The following MAST4 variants were observed in gnomAD, a reference collection of about 807,000 sequenced individuals.
The protein encoded by MAST4 is microtubule associated serine/threonine kinase family member 4.
Under a neutral mutation model 162.7 loss-of-function variants are expected in MAST4, and 89 were observed. That is an observed-to-expected ratio of 0.55 (90% CI 0.46 to 0.65). The LOEUF is 0.65. Among genes scored for constraint, MAST4 ranks in the 30% least tolerant of loss-of-function variants. The probability of loss-of-function intolerance (pLI) is 0.00; values close to 1 mark genes in which losing one functional copy is unlikely to be tolerated. For synonymous variants in MAST4, 1,479 were observed against 1,361.1 expected, an observed-to-expected ratio of 1.09 and a Z score of -1.91; for missense variants, 3,153 against 3,374.0, an observed-to-expected ratio of 0.93 and a Z score of 1.62.
In MAST4 at chr5:66,759,926, C is replaced by G. The variant is rs1753759795; in HGVS notation, c.517+64C>G. 4 of 1,556,912 alleles carry G rather than the reference C, an allele frequency of 2.6e-6. No homozygotes were observed. In the Admixed American group the frequency reaches 7.0e-5, roughly 27 times the overall value. Reference sequence around the variant, plus strand: ...TTCTTTACAAGGTCCTGCATGGCCCCAGAGTTCCACATGTAATCAGCTTTC... The same window carrying G: ...TTCTTTACAAGGTCCTGCATGGCCCGAGAGTTCCACATGTAATCAGCTTTC... On this transcript the variant is annotated intron_variant, in intron 2 of 28. Coordinates refer to ENST00000403625, the MANE Select transcript of MAST4 (RefSeq NM_001164664.2).
chr5:66,648,042 G>A (rs1333899544), intron 1 of MAST4, among the ~76,000 whole-genome samples: 9 of 45,284 alleles, frequency 2.0e-4, no homozygotes, highest in Non-Finnish European at 3.4e-4. Context: ...TAATGTGTGT[G>A]TGTGTGTGTG....
chr5:66,823,402 G>T (rs1026569980), intron 3 of MAST4, among the ~76,000 whole-genome samples: 1 of 152,172 alleles, frequency 6.6e-6, no homozygotes, highest in Admixed American at 6.5e-5. Context: ...CTTCACTTAT[G>T]TGGTGAGGAT....
At chr5:67,081,459 A>G (rs1762646524) in intron 5 of MAST4, among the ~76,000 whole-genome samples, 1 of 152,086 alleles carries the variant, frequency 6.6e-6, no homozygotes, top group South Asian at 2.1e-4. Context: ...GACAAGGAAG[A>G]AGAGATGCTG....
intron 10 of MAST4, among the ~76,000 whole-genome samples, chr5:67,106,408 CATCATTGGCACTGCCATCT>C (rs1461219354): frequency 6.6e-6 from 1 of 152,214 alleles, no homozygotes; most frequent in African/African-American, 2.4e-5. Flanking sequence ...TCTTTTCATC[CATCATTGGCACTGCCATCT>C]ATCCAGTCAC....
rs1371378535 is a variant in MAST4 at position 66,751,276 on chromosome 5, A to G, written c.364-8433A>G. On this transcript the variant is annotated intron_variant, in intron 1 of 28. Transcript: ENST00000403625. ...AAAGGAATGCAGTTCCTCACCAGCA[A>G]CGGAACAAAGCTGGATGGAGAATGA... Among the ~76,000 whole-genome samples the G allele has an allele frequency of 8.5e-5, 13 of 152,330 alleles. No individual in the cohort carries two copies. In the South Asian group the frequency reaches 1.9e-3, roughly 22 times the overall value.
chr5:66,900,217 A>G (rs886126888), intron 4 of MAST4, among the ~76,000 whole-genome samples: 1 of 152,114 alleles, frequency 6.6e-6, no homozygotes, highest in Non-Finnish European at 1.5e-5. Flanking sequence ...GAGAATCTTA[A>G]TTTTTAAAAT....
chr5:66,821,321 A>AC (rs757116087), intron 3 of MAST4, among the ~76,000 whole-genome samples: 5 of 152,184 alleles, frequency 3.3e-5, no homozygotes, highest in Non-Finnish European at 7.4e-5. Flanking sequence ...CTGTTTCTTT[A>AC]CCTTTGTTAA....
chr5:66,932,320 T>G (rs1742274193), intron 4 of MAST4, among the ~76,000 whole-genome samples: 1 of 152,176 alleles, frequency 6.6e-6, no homozygotes, highest in Non-Finnish European at 1.5e-5. Flanking sequence ...GTTTACTTAC[T>G]CAAACAGTAA....
chr5:66,665,813 C>G (rs1325355683), intron 1 of MAST4, among the ~76,000 whole-genome samples: 3 of 152,172 alleles, frequency 2.0e-5, no homozygotes, highest in Non-Finnish European at 4.4e-5. Context: ...ATATTAGTAT[C>G]TATTCTATGG....
intron 2 of MAST4, among the ~76,000 whole-genome samples, chr5:66,776,104 C>A (rs570201168): frequency 6.6e-6 from 1 of 152,122 alleles, no homozygotes; most frequent in East Asian, 1.9e-4. Context: ...AAATAGAGAA[C>A]GTGTTAGGAA....
At chr5:66,990,918 C>T (rs1230805091) in intron 4 of MAST4, among the ~76,000 whole-genome samples, 2 of 128,316 alleles carry the variant, frequency 1.6e-5, no homozygotes, top group Non-Finnish European at 3.3e-5. Context: ...TAGTTATTCC[C>T]TATGAAAGGC....
chr5:66,801,725 T>C (rs1444773633), intron 3 of MAST4, among the ~76,000 whole-genome samples: 1 of 152,250 alleles, frequency 6.6e-6, no homozygotes, highest in Non-Finnish European at 1.5e-5. Flanking sequence ...GTTACACATG[T>C]CATTAACTGC....
chr5:67,147,346 C>G (rs945852073), intron 23 of MAST4, among the ~76,000 whole-genome samples: 1 of 152,104 alleles, frequency 6.6e-6, no homozygotes, highest in South Asian at 2.1e-4. Flanking sequence ...AAGAAGGAAC[C>G]CTTGACATTT....
intron 1 of MAST4, among the ~76,000 whole-genome samples, chr5:66,653,662 G>C (rs908249423): frequency 3.3e-5 from 5 of 152,070 alleles, no homozygotes; most frequent in African/African-American, 1.2e-4. Flanking sequence ...CATCTGCTTT[G>C]CTGGCCTCCT....
At chr5:66,624,621 A>T (rs965574734) in intron 1 of MAST4, among the ~76,000 whole-genome samples, 1 of 152,250 alleles carries the variant, frequency 6.6e-6, no homozygotes, top group Admixed American at 6.5e-5. Context: ...AGCTGGAGGC[A>T]TCCAACTTCC....
chr5:66,825,261 GACACACACACACACACACACAC>G (rs56076405), intron 3 of MAST4, among the ~76,000 whole-genome samples: 19,067 of 135,642 alleles, frequency 0.14, 1,520 homozygotes, highest in East Asian at 0.43. Context: ...TAAAAACTAA[GACACACACACACACACACACAC>G]ACACACACAC....
At chr5:67,124,992 T>A (rs1372617790) in intron 14 of MAST4, among the ~76,000 whole-genome samples, 1 of 152,212 alleles carries the variant, frequency 6.6e-6, no homozygotes, top group Non-Finnish European at 1.5e-5. Flanking sequence ...ATGTAAGAAA[T>A]GGTGATTCTT....
chr5:66,826,199 C>T (rs1757246672), intron 3 of MAST4, among the ~76,000 whole-genome samples: 1 of 151,992 alleles, frequency 6.6e-6, no homozygotes, highest in African/African-American at 2.4e-5. Flanking sequence ...ATGTGTATCA[C>T]TTCTCAAAAT....
intron 3 of MAST4, among the ~76,000 whole-genome samples, chr5:66,845,973 G>T (rs1257146948): frequency 6.6e-6 from 1 of 152,126 alleles, no homozygotes; most frequent in African/African-American, 2.4e-5. Flanking sequence ...AGTGCCAGGT[G>T]CCATTCTGAG....
Sources: gnomAD v4.1 joint callset for allele counts (sites outside exome capture counted in the v4.1 genomes callset) on GRCh38, gnomAD v4.1.1 for gene constraint, MANE v1.5 for transcripts, NCBI Gene and HGNC (gene_info 2026-07-23, HGNC 2026-07-21) for gene names.